RAPGEF1: variants seen among roughly 807,000 people sequenced by gnomAD.
The protein encoded by RAPGEF1 is CRK SH3-binding GNRP.
In RAPGEF1, 33 loss-of-function variants were observed where a neutral mutation model predicts 143.3. The observed-to-expected ratio is 0.23, with a 90% CI of 0.17 to 0.31. The LOEUF (loss-of-function observed/expected upper bound fraction) is 0.31. Ranked by LOEUF, RAPGEF1 falls within the 10% of genes least tolerant of loss-of-function variation. The pLI, the probability that RAPGEF1 is intolerant of heterozygous loss-of-function variation, is 1.00. For missense variants in RAPGEF1, 1,199 were observed against 1,645.4 expected, an observed-to-expected ratio of 0.73 and a Z score of 4.69; for synonymous variants, 629 against 676.5, an observed-to-expected ratio of 0.93 and a Z score of 1.09.
At chr9:131,597,284 G>C (rs1341042711) in intron 16 of RAPGEF1, among the ~76,000 whole-genome samples, 1 of 152,214 alleles carries the variant, frequency 6.6e-6, no homozygotes, top group African/African-American at 2.4e-5. Context: ...TCTAGGAGTA[G>C]GAACTATGCC....
intron 1 of RAPGEF1, chr9:131,737,492 G>T: frequency 6.2e-7 from 1 of 1,613,494 alleles, no homozygotes; most frequent in Non-Finnish European, 8.5e-7. Context: ...CTGGGAGCAG[G>T]CACTTTCATC....
chr9:131,678,085 C>A (rs1832584409), intron 1 of RAPGEF1, among the ~76,000 whole-genome samples: 1 of 152,168 alleles, frequency 6.6e-6, no homozygotes, highest in African/African-American at 2.4e-5. Context: ...AGCTAATGTG[C>A]AAAGTTACAA....
chr9:131,580,310 C>T lies in RAPGEF1; in HGVS notation c.3594G>A (p.Arg1198=). 6.2e-7 allele frequency: 1 copy of T among 1,614,024 alleles called. No individual in the cohort carries two copies. The highest frequency in any genetic ancestry group is 8.5e-7 in the Non-Finnish European group (1 of 1,179,876). Residue 1198 remains arginine, a synonymous_variant, in exon 26 of 27, where the codon CGG becomes CGA. Coordinates refer to ENST00000683357, the MANE Select transcript of RAPGEF1 (RefSeq NM_001377935.1). ...TGTCGAGGATGTTGAACTGCTGCCACCGCTTGGAGAAGTTCACTTTCCCGT... is the reference window on the plus strand; with the variant it reads ...TGTCGAGGATGTTGAACTGCTGCCATCGCTTGGAGAAGTTCACTTTCCCGT... ...YIDGKVNFSK[R]WQQFNILDSM...
chr9:131,721,138 T>C (rs118004225), intron 1 of RAPGEF1, among the ~76,000 whole-genome samples: 3,382 of 152,310 alleles, frequency 0.022, 125 homozygotes, highest in South Asian at 0.12. Flanking sequence ...GAACAGGCTG[T>C]GGACCTGAAG....
intron 12 of RAPGEF1, among the ~76,000 whole-genome samples, chr9:131,609,154 C>A (rs1957597786): frequency 6.6e-6 from 1 of 151,998 alleles, no homozygotes. Flanking sequence ...GCCCTGGTCA[C>A]ATAGCCAGTC....
intron 20 of RAPGEF1, 59 bp downstream of exon 20, chr9:131,588,742 A>G: frequency 1.3e-6 from 2 of 1,508,456 alleles, no homozygotes; most frequent in South Asian, 1.3e-5. Context: ...GAGGGAGGGT[A>G]AACTGAGAAA....
chr9:131,669,748 C>T (rs542874286), intron 1 of RAPGEF1, among the ~76,000 whole-genome samples: 6 of 152,316 alleles, frequency 3.9e-5, no homozygotes, highest in Admixed American at 2.0e-4. Context: ...CTAACCCCCA[C>T]GGGAGGCTCC....
In RAPGEF1 at chr9:131,582,683, G is replaced by C. The variant is rs1428994765; in HGVS notation, c.3434C>G (p.Thr1145Arg). The C allele has an allele frequency of 6.4e-7, 1 of 1,556,460 alleles. No individual in the cohort carries two copies. The highest frequency in any genetic ancestry group is 2.6e-5 in the East Asian group (1 of 39,198). ...GAAGGAGGACGAGCTGTCGATCAGT[G>C]TGCAGTACTCGGCCAGGCCCTGGCA... The part of the protein sequence containing the change: ...QTSEGLAEYC[T>R]LIDSSSSFRA... The change falls in exon 25 of 27, where the codon ACA (threonine) becomes AGA (arginine). Residue 1145 changes from threonine to arginine, a missense_variant. By Grantham distance (71) the Thr-to-Arg change is moderately conservative. Transcript: ENST00000683357.
intron 1 of RAPGEF1, among the ~76,000 whole-genome samples, chr9:131,666,106 A>G (rs759464779): frequency 6.6e-6 from 1 of 152,232 alleles, no homozygotes; most frequent in Non-Finnish European, 1.5e-5. Context: ...AGTCTACACC[A>G]GATGGTAATA....
At chr9:131,691,847 T>C (rs1207440839) in intron 1 of RAPGEF1, among the ~76,000 whole-genome samples, 1 of 152,220 alleles carries the variant, frequency 6.6e-6, no homozygotes, top group Admixed American at 6.5e-5. Flanking sequence ...GACATATTGC[T>C]GGTGTTTTAT....
intron 18 of RAPGEF1, among the ~76,000 whole-genome samples, chr9:131,590,760 A>G (rs1275956812): frequency 6.6e-6 from 1 of 152,184 alleles, no homozygotes; most frequent in Non-Finnish European, 1.5e-5. Flanking sequence ...TCGCCAGCCA[A>G]CCAGGCCCAG....
At chr9:131,717,425 T>C (rs1835936057) in intron 1 of RAPGEF1, among the ~76,000 whole-genome samples, 1 of 152,166 alleles carries the variant, frequency 6.6e-6, no homozygotes, top group South Asian at 2.1e-4. Context: ...TTCTGGGCTC[T>C]GGTGAAATAG....
Position 131,588,863 on chromosome 9 carries a change from C to T in RAPGEF1, c.2991G>A (p.Gln997=). ...AGGTGGCACACCTGAGTAGCTTCTT[C>T]TGGTCCACCTTGTCCAGGATGTTCT... The part of the protein sequence containing the change: ...LRKNILDKVD[Q]KKLLRCATSS... The change falls in exon 20 of 27, where the codon CAG becomes CAA. Residue 997 remains glutamine (Q), a synonymous_variant. Coordinates refer to ENST00000683357, the MANE Select transcript of RAPGEF1 (RefSeq NM_001377935.1). 1 of 1,613,932 alleles carries T rather than the reference C, an allele frequency of 6.2e-7. No individual in the cohort carries two copies. Among genetic ancestry groups the T allele is most frequent in the East Asian group, 2.2e-5 (1 of 44,888 alleles).
At chr9:131,714,210 T>C (rs1328403576) in intron 1 of RAPGEF1, among the ~76,000 whole-genome samples, 1 of 152,038 alleles carries the variant, frequency 6.6e-6, no homozygotes, top group Non-Finnish European at 1.5e-5. Context: ...GGGGTAATAT[T>C]GTGGCCACTG....
intron 17 of RAPGEF1, among the ~76,000 whole-genome samples, chr9:131,595,045 C>A (rs557992322): frequency 6.6e-6 from 1 of 152,384 alleles, no homozygotes; most frequent in African/African-American, 2.4e-5. Flanking sequence ...CTGATCACGC[C>A]CCCAGCACCG....
chr9:131,715,789 C>T (rs570310148), intron 1 of RAPGEF1, among the ~76,000 whole-genome samples: 52 of 146,676 alleles, frequency 3.5e-4, no homozygotes, highest in African/African-American at 1.2e-3. Context: ...CACTTGAACC[C>T]GGGAGGTGGA....
At chr9:131,709,409 A>G (rs989560975) in intron 1 of RAPGEF1, among the ~76,000 whole-genome samples, 1 of 152,170 alleles carries the variant, frequency 6.6e-6, no homozygotes, top group Non-Finnish European at 1.5e-5. Flanking sequence ...AGCTGAACTA[A>G]ACTCTCAGCC....
Position 131,609,515 on chromosome 9 carries a change from G to A in RAPGEF1, c.2062-4327C>T, listed in dbSNP as rs77829787. On this transcript the variant is annotated intron_variant, in intron 12 of 26. Coordinates refer to ENST00000683357, the MANE Select transcript of RAPGEF1 (RefSeq NM_001377935.1). The stretch of plus-strand genomic sequence containing the variant: ...CTTAGCTGAGTGCTTTGTGACACCA[G>A]GCATGCAAAGCCCAGTGAGCTGAGA... Among the ~76,000 whole-genome samples the A allele has an allele frequency of 8.7e-4, 132 of 152,146 alleles. 1 individual carries two copies. In the East Asian group the frequency reaches 0.023, roughly 27 times the overall value.
intron 1 of RAPGEF1, among the ~76,000 whole-genome samples, chr9:131,651,467 A>G (rs1407370381): frequency 6.6e-6 from 1 of 152,246 alleles, no homozygotes; most frequent in Non-Finnish European, 1.5e-5. Context: ...TGCCCCAAAG[A>G]TCAGGAATTA....
Sources: gnomAD v4.1 joint callset for allele counts (sites outside exome capture counted in the v4.1 genomes callset) on GRCh38, gnomAD v4.1.1 for gene constraint, MANE v1.5 for transcripts, NCBI Gene and HGNC (gene_info 2026-07-23, HGNC 2026-07-21) for gene names.